The following NRXN2 variants were observed in gnomAD, a reference collection of about 807,000 sequenced individuals.
The protein encoded by NRXN2 is neurexin 2.
NRXN2 carries 29 observed loss-of-function variants against 128.8 expected under a neutral mutation model. The observed-to-expected ratio is 0.23, with a 90% CI of 0.17 to 0.31. NRXN2 has a LOEUF of 0.31. Ranked by LOEUF, NRXN2 falls within the 10% of genes least tolerant of loss-of-function variation. The pLI is 1.00. For synonymous variants in NRXN2, 1,098 were observed against 1,075.2 expected (o/e 1.02, Z -0.41); for missense variants, 1,881 against 2,452.6 (o/e 0.77, Z 4.92).
intron 7 of NRXN2, 108 bp downstream of exon 7, chr11:64,676,885 C>T: frequency 2.3e-6 from 2 of 878,036 alleles, no homozygotes; most frequent in East Asian, 2.6e-5. Context: ...ATTGGAAGAG[C>T]AAAACAACCA....
rs564379914 is a variant in NRXN2, at chr11:64,649,655, A to T, written c.3110-748T>A. On this transcript the variant is annotated intron_variant, in intron 15 of 22. Coordinates refer to ENST00000265459, the MANE Select transcript of NRXN2 (RefSeq NM_015080.4). ...TGTCAAGAGATCTGACAGATCTCAG[A>T]TCTGAGGGAGTGGGGCAGTTAATTC... Among the ~76,000 whole-genome samples the T allele has an allele frequency of 6.6e-5, 10 of 152,322 alleles. No individual in the cohort carries two copies. In the South Asian group the frequency reaches 2.1e-3, roughly 32 times the overall value.
In NRXN2 at chr11:64,651,576, G is replaced by A. The variant is rs376826316; in HGVS notation, c.2597C>T (p.Thr866Met). The A allele has an allele frequency of 1.7e-5, 27 of 1,614,146 alleles. No homozygotes were observed. The highest frequency in any genetic ancestry group is 1.1e-4 in the African/African-American group (8 of 75,036). The change falls in exon 14 of 23, where the codon ACG becomes ATG. Residue 866 changes from threonine to methionine, a missense_variant. Around this residue, in one of 7 missense-constraint regions of NRXN2, gnomAD observed 390 missense variants for 599.6 expected, o/e 0.65. Coordinates refer to ENST00000265459, the MANE Select transcript of NRXN2 (RefSeq NM_015080.4). The surrounding 1 kb of genome is among the most constrained non-coding windows in gnomAD (Gnocchi z 5.9). ...CACCACGGAGATAAACCGCCGCTCC[G>A]TCATGATGCCCGTCTCAATGTTGTG... is the stretch of plus-strand genomic sequence containing the variant. ...EFHNIETGIM[T>M]ERRFISVVPS...
Position 64,607,738 on chromosome 11 carries a change from C to A in NRXN2, c.4597G>T (p.Ala1533Ser). Residue 1533 changes from alanine (A) to serine (S), a missense_variant, in exon 23 of 23, where the codon GCT becomes TCT. This residue lies in a region of NRXN2 where 310 missense variants were observed against 318.2 expected (regional missense o/e 0.97). Transcript: ENST00000265459. ...TCTGTCCTGAGGTTGGGCCGGGGAG[C>A]GGGTTTGCGGGGTGACAGGAGGGTG... ...RTTLLSPRKP[A>S]PRPNLRTDGA... 6.4e-7 allele frequency: 1 copy of A among 1,572,468 alleles called. No individual in the cohort carries two copies. The highest frequency in any genetic ancestry group is 8.6e-7 in the Non-Finnish European group (1 of 1,159,398).
Position 64,660,581 on chromosome 11 carries a change from G to T in NRXN2, c.2186-46C>A. 2 of 1,603,426 alleles carry T rather than the reference G, an allele frequency of 1.2e-6. No homozygotes were observed. The highest frequency in any genetic ancestry group is 1.7e-6 in the Non-Finnish European group (2 of 1,171,866). On this transcript the variant is annotated intron_variant, in intron 10 of 22. Transcript: ENST00000265459. The surrounding 1 kb of genome is among the most constrained non-coding windows in gnomAD (Gnocchi z 5.2). ...AGAGGGAAGGAGAAGACAGGCAGAG[G>T]CCAGGGGAGGGAGAAGACCAGAGAA...
chr11:64,642,860 T>G (rs2045946735), intron 17 of NRXN2: 989 of 781,976 alleles, frequency 1.3e-3, no homozygotes, highest in Middle Eastern at 1.9e-3. Flanking sequence ...GACGCGGGGC[T>G]GCGCAGCCCC....
Position 64,713,240 on chromosome 11 carries a change from C to G in NRXN2, c.460G>C (p.Gly154Arg). ...MQVASDLFVG[G>R]IPPDVRLSAL... ...GAGAGGCGCACGTCGGGCGGGATGC[C>G]GCCCACGAACAGGTCGCTGGCCACC... The change falls in exon 2 of 23, where the codon GGC (glycine) becomes CGC (arginine). Residue 154 changes from glycine (G) to arginine (R), a missense_variant. By Grantham distance (125) the Gly-to-Arg change is moderately radical. Around this residue, in one of 7 missense-constraint regions of NRXN2, gnomAD observed 997 missense variants for 1,240.8 expected, o/e 0.80. Transcript: ENST00000265459. 6.9e-7 allele frequency: 1 copy of G among 1,458,200 alleles called. No individual in the cohort carries two copies. Among genetic ancestry groups the G allele is most frequent in the Non-Finnish European group, 9.0e-7 (1 of 1,108,212 alleles). The allele number at this position is 1,458,200 out of a possible 1,614,324, so 90.3% of individuals were successfully genotyped here.
At chr11:64,665,279 C>T (rs985600673) in intron 9 of NRXN2, among the ~76,000 whole-genome samples, 2 of 129,454 alleles carry the variant, frequency 1.5e-5, no homozygotes, top group African/African-American at 2.9e-5. Flanking sequence ...GACTCCATCT[C>T]AAAAAAAAAA....
In NRXN2 at chr11:64,660,601, A is replaced by G. The variant is rs1295215808; in HGVS notation, c.2186-66T>C. On this transcript the variant is annotated intron_variant, in intron 10 of 22. Coordinates refer to ENST00000265459, the MANE Select transcript of NRXN2 (RefSeq NM_015080.4). This position sits in a 1 kb window ranked among gnomAD's most constrained non-coding sequence, Gnocchi z 5.2. ...CAGAGGCCAGGGGAGGGAGAAGACC[A>G]GAGAATCATTACAAGGGCGAAAAGC... The G allele has an allele frequency of 5.6e-6, 9 of 1,596,298 alleles. No homozygotes were observed. The highest frequency in any genetic ancestry group is 7.7e-6 in the Non-Finnish European group (9 of 1,167,548).
At chr11:64,620,269 C>G in intron 22 of NRXN2, 25 bp downstream of exon 22, 1 of 1,533,952 alleles carries the variant, frequency 6.5e-7, no homozygotes, top group Non-Finnish European at 8.8e-7. Context: ...GGACCCGGGG[C>G]AGGGGAGGGG....
chr11:64,686,563 G>C (rs959733995), intron 5 of NRXN2, among the ~76,000 whole-genome samples: 1 of 152,210 alleles, frequency 6.6e-6, no homozygotes, highest in Non-Finnish European at 1.5e-5. Context: ...ACACGAAGGC[G>C]ATGCAGGTGA....
chr11:64,700,024 G>A (rs1191672142), intron 2 of NRXN2, among the ~76,000 whole-genome samples: 1 of 152,198 alleles, frequency 6.6e-6, no homozygotes, highest in Admixed American at 6.5e-5. Context: ...GCTTTTGAGA[G>A]ACAGCACCTA....
At chr11:64,688,260 G>T (rs2053341308) in intron 5 of NRXN2, 2 of 983,904 alleles carry the variant, frequency 2.0e-6, no homozygotes, top group Non-Finnish European at 2.4e-6. Flanking sequence ...CTACTCTGGA[G>T]CCTGCGCCTC....
Position 64,651,951 on chromosome 11 carries a change from G to A in NRXN2, c.2536+84C>T. 2 of 1,585,640 alleles carry A rather than the reference G, an allele frequency of 1.3e-6. No homozygotes were observed. Among genetic ancestry groups the A allele is most frequent in the Non-Finnish European group, 8.6e-7 (1 of 1,166,302 alleles). On this transcript the variant is annotated intron_variant, in intron 13 of 22. Coordinates refer to ENST00000265459, the MANE Select transcript of NRXN2 (RefSeq NM_015080.4). This position sits in a 1 kb window ranked among gnomAD's most constrained non-coding sequence, Gnocchi z 5.9. ...CCAGAACACTGCCCTAGGAATGGCA[G>A]CCCAGGCAGTAGTCACCAAGTAGAA...
chr11:64,642,184 A>C lies in NRXN2; in HGVS notation c.3403+6035T>G, dbSNP rs555984350. On this transcript the variant is annotated intron_variant, in intron 17 of 22. Transcript: ENST00000265459. ...AGATGGAGAAGGTGATGCGCAAGAG[A>C]AATGGAAGGCAGAGCTGCACGGAGA... 1.9e-4 allele frequency among the ~76,000 whole-genome samples: 29 copies of C among 151,960 alleles called. No homozygotes were observed. In the South Asian group the frequency reaches 5.8e-3, roughly 30 times the overall value.
intron 12 of NRXN2, 75 bp from the exon 13 acceptor site, chr11:64,652,229 A>C (rs898876442): frequency 6.5e-7 from 1 of 1,533,940 alleles, no homozygotes; most frequent in Non-Finnish European, 8.8e-7. Context: ...CCTTGGATAC[A>C]CAGACAGCCT....
At position 64,648,766 on chromosome 11, in the gene NRXN2, T is replaced by C; in HGVS notation, c.3251A>G (p.His1084Arg). 1 of 1,614,074 alleles carries C rather than the reference T, an allele frequency of 6.2e-7. No homozygotes were observed. Residue 1084 changes from histidine (H) to arginine (R), a missense_variant, in exon 16 of 23, where the codon CAC becomes CGC. His to Arg is a conservative substitution (Grantham distance 29). Transcript: ENST00000265459. This position sits in a 1 kb window ranked among gnomAD's most constrained non-coding sequence, Gnocchi z 4.1. The part of the protein sequence containing the change: ...RLPDLIADAL[H>R]RIGQVERGCD... ...GCCCCTCTCCACCTGCCCAATGCGG[T>C]GCAGGGCGTCGGCGATGAGGTCTGG...
In NRXN2 at chr11:64,714,864, G is replaced by A. The variant is rs749816923; in HGVS notation, c.-244-921C>T. Among the ~76,000 whole-genome samples, 5 of 152,144 alleles carry A rather than the reference G, an allele frequency of 3.3e-5. No homozygotes were observed. The highest frequency in any genetic ancestry group is 4.8e-5 in the African/African-American group (2 of 41,414). ...CAGAGAGCAATTTATACCCCACGCC[G>A]GGGAGGGGAATTTGCATCTCGTTAA... On this transcript the variant is annotated intron_variant, in intron 1 of 22. Transcript: ENST00000265459. The surrounding 1 kb of genome is among the most constrained non-coding windows in gnomAD (Gnocchi z 4.5).
chr11:64,715,958 G>A (rs1210816098), intron 1 of NRXN2, among the ~76,000 whole-genome samples: 1 of 152,166 alleles, frequency 6.6e-6, no homozygotes, highest in Non-Finnish European at 1.5e-5. Flanking sequence ...CCCAGCCCAG[G>A]GCAGGGAAGG....
Position 64,607,371 on chromosome 11 carries a change from T to C in NRXN2, c.4964A>G (p.Tyr1655Cys). ...AAALCILILL[Y>C]AMYKYRNRDE... ...ACGATTGCGGTACTTATACATGGCG[T>C]AGAGGAGGATGAGGATGCAGAGCGC... is the stretch of plus-strand genomic sequence containing the variant. Residue 1655 changes from tyrosine (Y) to cysteine (C), a missense_variant, in exon 23 of 23, where the codon TAC (tyrosine) becomes TGC (cysteine). Transcript: ENST00000265459. 6.2e-7 allele frequency: 1 copy of C among 1,613,482 alleles called. No homozygotes were observed. The highest frequency in any genetic ancestry group is 2.2e-5 in the East Asian group (1 of 44,818).
Sources: gnomAD v4.1 joint callset for allele counts (sites outside exome capture counted in the v4.1 genomes callset) on GRCh38, gnomAD v4.1.1 for gene constraint, gnomAD v4.1.1 regional missense constraint, Gnocchi (gnomAD v3.1) non-coding constraint, MANE v1.5 for transcripts, NCBI Gene and HGNC (gene_info 2026-07-23, HGNC 2026-07-21) for gene names.